Variants in ANKS1A observed in about 807,000 individuals in gnomAD.
ANKS1A encodes ankyrin repeat and SAM domain-containing protein 1A.
Under a neutral mutation model 120.3 loss-of-function variants are expected in ANKS1A, and 55 were observed. The observed-to-expected ratio is 0.46, with a 90% CI of 0.37 to 0.57. The LOEUF (loss-of-function observed/expected upper bound fraction) is 0.57, where lower values mean the gene tolerates loss of function less well. Among genes scored for constraint, ANKS1A ranks in the 20% least tolerant of loss-of-function variants. ANKS1A has a pLI of 0.00. For missense variants in ANKS1A, 1,123 were observed against 1,480.3 expected (o/e 0.76, Z 3.96); for synonymous variants, 590 against 604.7 (o/e 0.98, Z 0.36).
chr6:34,922,163 A>G (rs1244472126), intron 1 of ANKS1A, among the ~76,000 whole-genome samples: 1 of 152,154 alleles, frequency 6.6e-6, no homozygotes, highest in Non-Finnish European at 1.5e-5. Context: ...AGAAGAACAC[A>G]GTTGCAACTA....
intron 1 of ANKS1A, among the ~76,000 whole-genome samples, chr6:34,901,337 A>T (rs1767340955): frequency 6.6e-6 from 1 of 152,176 alleles, no homozygotes; most frequent in African/African-American, 2.4e-5. Flanking sequence ...GGCTGGTTCA[A>T]ATGATGGTTG....
chr6:35,082,568 A>T lies in ANKS1A; in HGVS notation c.2710-123A>T. On this transcript the variant is annotated intron_variant, in intron 17 of 23. Coordinates refer to ENST00000360359, the MANE Select transcript of ANKS1A (RefSeq NM_015245.3). This position sits in a 1 kb window ranked among gnomAD's most constrained non-coding sequence, Gnocchi z 4.1. ...TGCTGGTCTGCCCCCTGCCATCTCC[A>T]CTCGACCCTTGAACTTGCTAAGGTC... 3 of 1,298,922 alleles carry T rather than the reference A, an allele frequency of 2.3e-6. No individual in the cohort carries two copies. The highest frequency in any genetic ancestry group is 3.1e-6 in the Non-Finnish European group (3 of 969,028). The allele number at this position is 1,298,922 out of a possible 1,614,324, so 80.5% of individuals were successfully genotyped here. A position where few individuals can be genotyped will look rare whatever the true frequency, so the allele number is the denominator to read the frequency against.
At chr6:35,026,921 C>G (rs1774655876) in intron 11 of ANKS1A, among the ~76,000 whole-genome samples, 1 of 152,010 alleles carries the variant, frequency 6.6e-6, no homozygotes, top group Admixed American at 6.5e-5. Context: ...TTTTAAAAAG[C>G]TATTGAACTA....
intron 1 of ANKS1A, among the ~76,000 whole-genome samples, chr6:34,909,412 T>C (rs1767802194): frequency 6.6e-6 from 1 of 152,226 alleles, no homozygotes; most frequent in South Asian, 2.1e-4. Flanking sequence ...TAATGAAAAG[T>C]CATCTGACAC....
chr6:34,958,656 C>T (rs546573863), intron 1 of ANKS1A, among the ~76,000 whole-genome samples: 3 of 152,224 alleles, frequency 2.0e-5, no homozygotes, highest in South Asian at 2.1e-4. Context: ...TTGACTCTGC[C>T]GGCCTGTTCA....
intron 11 of ANKS1A, among the ~76,000 whole-genome samples, chr6:35,051,016 G>A (rs1467821928): frequency 1.3e-5 from 2 of 152,086 alleles, no homozygotes; most frequent in African/African-American, 2.4e-5. Context: ...TTTCCCAGCC[G>A]GTCTGCAGTC....
At chr6:34,910,257 C>T (rs549715284) in intron 1 of ANKS1A, among the ~76,000 whole-genome samples, 92 of 152,276 alleles carry the variant, frequency 6.0e-4, no homozygotes, top group Non-Finnish European at 8.8e-5. Flanking sequence ...TCTCCTATGA[C>T]TTTGCATCTA....
At chr6:34,895,780 C>CTTTTTTTTTTTTTTTTTTTTTT (rs995285475) in intron 1 of ANKS1A, among the ~76,000 whole-genome samples, 1 of 90,410 alleles carries the variant, frequency 1.1e-5, no homozygotes, top group Non-Finnish European at 2.1e-5. Flanking sequence ...GAATGTCTTT[C>CTTTTTTTTTTTTTTTTTTTTTT]TTTTTTTTTT....
intron 1 of ANKS1A, among the ~76,000 whole-genome samples, chr6:34,940,188 G>A (rs1769455928): frequency 6.6e-6 from 1 of 152,316 alleles, no homozygotes; most frequent in East Asian, 1.9e-4. Flanking sequence ...GTGAGCCTTG[G>A]AAAACAACTG....
At chr6:35,062,741 G>T (rs1309649403) in intron 13 of ANKS1A, among the ~76,000 whole-genome samples, 1 of 152,208 alleles carries the variant, frequency 6.6e-6, no homozygotes. Context: ...CATGTGGTCT[G>T]ATCGCCCTCT....
chr6:34,947,424 G>T (rs1026339771), intron 1 of ANKS1A, among the ~76,000 whole-genome samples: 3 of 152,118 alleles, frequency 2.0e-5, no homozygotes, highest in African/African-American at 7.2e-5. Context: ...TGGAATTACA[G>T]ACGTGAGCCA....
At chr6:35,036,089 A>G (rs1775154698) in intron 11 of ANKS1A, among the ~76,000 whole-genome samples, 1 of 152,246 alleles carries the variant, frequency 6.6e-6, no homozygotes, top group South Asian at 2.1e-4. Context: ...CCAATTATGA[A>G]CATGGATTTC....
intron 1 of ANKS1A, among the ~76,000 whole-genome samples, chr6:34,941,971 A>G (rs1050290160): frequency 6.6e-6 from 1 of 152,220 alleles, no homozygotes; most frequent in Non-Finnish European, 1.5e-5. Flanking sequence ...AGGTGATGCT[A>G]TTAATTAGAG....
At chr6:34,983,049 T>G in intron 5 of ANKS1A, 64 bp from the exon 6 acceptor site, 1 of 1,500,974 alleles carries the variant, frequency 6.7e-7, no homozygotes, top group South Asian at 1.2e-5. Flanking sequence ...TCCTAAAATT[T>G]GACCCTTTTG....
chr6:35,013,082 C>T (rs1309084222), intron 10 of ANKS1A, among the ~76,000 whole-genome samples: 3 of 152,158 alleles, frequency 2.0e-5, no homozygotes, highest in Admixed American at 1.3e-4. Flanking sequence ...TGTACTGCCA[C>T]ACCTGGCCCT....
intron 10 of ANKS1A, among the ~76,000 whole-genome samples, chr6:35,016,815 G>A: frequency 6.6e-6 from 1 of 151,422 alleles, no homozygotes; most frequent in African/African-American, 2.4e-5. Flanking sequence ...TGCTCCCTGA[G>A]GAAGGAAGGA....
At chr6:35,026,007 T>C (rs944114946) in intron 11 of ANKS1A, among the ~76,000 whole-genome samples, 1 of 152,172 alleles carries the variant, frequency 6.6e-6, no homozygotes, top group Non-Finnish European at 1.5e-5. Context: ...TTTCCTTTTC[T>C]CCCTTTTTTG....
At position 34,985,169 on chromosome 6, in the gene ANKS1A, C is replaced by T. The variant is rs147491425; in HGVS notation, c.1100C>T (p.Ala367Val). The change falls in exon 8 of 24, where the codon GCC becomes GTC. Residue 367 changes from alanine to valine, a missense_variant. This residue lies in a region of ANKS1A where 904 missense variants were observed against 1,130.4 expected (regional missense o/e 0.80). Coordinates refer to ENST00000360359, the MANE Select transcript of ANKS1A (RefSeq NM_015245.3). ...EEGPYEALYNAISCHSLDSMA... is the reference protein window; with the variant it reads ...EEGPYEALYNVISCHSLDSMA... ...GGTCCCTACGAAGCTCTGTATAATG[C>T]CATCTCCTGCCATTCGTTGGACAGC... 8 of 1,614,038 alleles carry T rather than the reference C, an allele frequency of 5.0e-6. No individual in the cohort carries two copies. The highest frequency in any genetic ancestry group is 1.3e-5 in the African/African-American group (1 of 74,912).
chr6:34,999,183 T>C lies in ANKS1A; in HGVS notation c.1423+4761T>C, dbSNP rs550447549. 7.9e-5 allele frequency among the ~76,000 whole-genome samples: 12 copies of C among 152,292 alleles called. 1 individual carries two copies. The South Asian group carries it at 2.3e-3, about 29-fold the overall frequency. Reference sequence around the variant, plus strand: ...ATCCACGGTGTGCCTTTATCGGCACTTTGGTTTTGGTTTTGACATGGTTTG... The same window carrying C: ...ATCCACGGTGTGCCTTTATCGGCACCTTGGTTTTGGTTTTGACATGGTTTG... On this transcript the variant is annotated intron_variant, in intron 10 of 23. Coordinates refer to ENST00000360359, the MANE Select transcript of ANKS1A (RefSeq NM_015245.3).
Sources: allele counts gnomAD v4.1 joint callset (sites outside exome capture counted in the v4.1 genomes callset), GRCh38; gene constraint gnomAD v4.1.1; regional missense constraint gnomAD v4.1.1; non-coding constraint Gnocchi (gnomAD v3.1); transcripts MANE v1.5; gene names NCBI Gene and HGNC (gene_info 2026-07-23, HGNC 2026-07-21).